The following FBXL7 variants were observed in gnomAD, a reference collection of about 807,000 sequenced individuals.
FBXL7 encodes F-box and leucine rich repeat protein 7.
FBXL7 carries 12 observed loss-of-function variants against 38.3 expected under a neutral mutation model. The ratio of observed to expected loss-of-function variants is 0.31; its 90% CI spans 0.20 to 0.51. The LOEUF (loss-of-function observed/expected upper bound fraction) is 0.51. Ranked by LOEUF, FBXL7 falls within the 20% of genes least tolerant of loss-of-function variation. The pLI, the probability that FBXL7 is intolerant of heterozygous loss-of-function variation, is 0.98. For missense variants in FBXL7, 567 were observed against 676.4 expected (o/e 0.84, Z 1.79); for synonymous variants, 297 against 300.9 (o/e 0.99, Z 0.13).
At chr5:15,671,153 C>T (rs1036446762) in intron 2 of FBXL7, among the ~76,000 whole-genome samples, 1 of 152,146 alleles carries the variant, frequency 6.6e-6, no homozygotes, top group Non-Finnish European at 1.5e-5. Flanking sequence ...CTCAGCTCCT[C>T]CCACTTTTGT....
chr5:15,502,050 G>T (rs1438611920), intron 1 of FBXL7, among the ~76,000 whole-genome samples: 1 of 151,750 alleles, frequency 6.6e-6, no homozygotes, highest in East Asian at 1.9e-4. Flanking sequence ...AAACGTCTTA[G>T]AGTTAATATT....
chr5:15,562,785 G>A (rs1291001980), intron 1 of FBXL7, among the ~76,000 whole-genome samples: 1 of 151,842 alleles, frequency 6.6e-6, no homozygotes, highest in Admixed American at 6.6e-5. Flanking sequence ...GCCAGACACT[G>A]TTCTAGGTTC....
intron 2 of FBXL7, among the ~76,000 whole-genome samples, chr5:15,844,759 G>T (rs1047532071): frequency 3.3e-5 from 5 of 152,068 alleles, no homozygotes; most frequent in African/African-American, 1.2e-4. Flanking sequence ...GCCTCAGGGA[G>T]GAAGCCAAGG....
In FBXL7 at chr5:15,928,355, G is replaced by A. The variant is rs1741949867; in HGVS notation, c.593G>A (p.Arg198Gln). The A allele has an allele frequency of 1.2e-6, 2 of 1,613,848 alleles. No individual in the cohort carries two copies. The highest frequency in any genetic ancestry group is 1.7e-5 in the Admixed American group (1 of 59,998). ...LETVTVSGCR[R>Q]LTDRGLYTIA... ...ACCGTAACTGTCAGTGGCTGCAGGC[G>A]GCTCACAGACCGAGGGCTGTACACC... Residue 198 changes from arginine (R) to glutamine (Q), a missense_variant, in exon 3 of 4, where the codon CGG (arginine) becomes CAG (glutamine). By Grantham distance (43) the Arg-to-Gln change is conservative. Transcript: ENST00000504595. The surrounding 1 kb of genome is among the most constrained non-coding windows in gnomAD (Gnocchi z 4.0).
intron 2 of FBXL7, among the ~76,000 whole-genome samples, chr5:15,882,722 A>T (rs1437534915): frequency 6.6e-6 from 1 of 152,210 alleles, no homozygotes; most frequent in Admixed American, 6.5e-5. Flanking sequence ...TTTGGAAGAA[A>T]ACCATACCAT....
chr5:15,589,662 A>G (rs1334758066), intron 1 of FBXL7, among the ~76,000 whole-genome samples: 2 of 152,220 alleles, frequency 1.3e-5, no homozygotes, highest in African/African-American at 4.8e-5. Flanking sequence ...CTATTCTTCA[A>G]ATCAGAAGAA....
intron 2 of FBXL7, among the ~76,000 whole-genome samples, chr5:15,719,016 A>G (rs1441451720): frequency 1.3e-5 from 2 of 152,296 alleles, no homozygotes; most frequent in South Asian, 2.1e-4. Flanking sequence ...GGATGTCACT[A>G]TTTGCATCCT....
intron 2 of FBXL7, among the ~76,000 whole-genome samples, chr5:15,742,085 A>G (rs1178106496): frequency 1.3e-5 from 2 of 152,160 alleles, no homozygotes; most frequent in East Asian, 1.9e-4. Flanking sequence ...CTTAATGGAC[A>G]CTTTTGGCTG....
At position 15,616,202 on chromosome 5, in the gene FBXL7, T is replaced by C. The variant is rs539554124; in HGVS notation, c.127+130T>C. 14 of 559,322 alleles carry C rather than the reference T, an allele frequency of 2.5e-5. No homozygotes were observed. In the South Asian group the frequency reaches 4.1e-4, roughly 17 times the overall value. The allele number at this position is 559,322 out of a possible 1,614,324, so 34.6% of individuals were successfully genotyped here. On this transcript the variant is annotated intron_variant, in intron 2 of 3. Coordinates refer to ENST00000504595, the MANE Select transcript of FBXL7 (RefSeq NM_012304.5). Reference sequence around the variant, plus strand: ...GCATATGAGATCTTAAAAATGAGGATGTTCAGGGTCTCCTAAGTTTTGTTG... The same window carrying C: ...GCATATGAGATCTTAAAAATGAGGACGTTCAGGGTCTCCTAAGTTTTGTTG...
chr5:15,785,087 G>C (rs185610872), intron 2 of FBXL7, among the ~76,000 whole-genome samples: 2 of 152,272 alleles, frequency 1.3e-5, no homozygotes, highest in African/African-American at 4.8e-5. Context: ...ACTAGCACGA[G>C]ACTCTGTGCA....
At chr5:15,724,124 A>G (rs1461345798) in intron 2 of FBXL7, among the ~76,000 whole-genome samples, 3 of 152,192 alleles carry the variant, frequency 2.0e-5, no homozygotes, top group African/African-American at 7.2e-5. Flanking sequence ...ATTGACTTTT[A>G]GGTCAGTTTG....
intron 2 of FBXL7, among the ~76,000 whole-genome samples, chr5:15,779,626 C>T (rs1268566585): frequency 6.6e-6 from 1 of 152,110 alleles, no homozygotes; most frequent in African/African-American, 2.4e-5. Context: ...TAAGGAAAAT[C>T]AGCCGTGGCC....
intron 2 of FBXL7, among the ~76,000 whole-genome samples, chr5:15,824,721 C>A (rs961619694): frequency 6.6e-5 from 10 of 152,174 alleles, no homozygotes; most frequent in African/African-American, 2.4e-4. Context: ...AACCCAGTCT[C>A]ACCCACTGAG....
At chr5:15,551,037 A>G (rs1738051331) in intron 1 of FBXL7, among the ~76,000 whole-genome samples, 1 of 152,178 alleles carries the variant, frequency 6.6e-6, no homozygotes, top group South Asian at 2.1e-4. Context: ...ATGAAAATCC[A>G]CTTTTTTTGG....
intron 1 of FBXL7, among the ~76,000 whole-genome samples, chr5:15,568,787 C>A (rs1417357035): frequency 6.6e-6 from 1 of 152,050 alleles, no homozygotes; most frequent in Non-Finnish European, 1.5e-5. Context: ...GGAAGGGATC[C>A]AGTTTCAGTT....
chr5:15,518,642 G>A (rs1737011464), intron 1 of FBXL7, among the ~76,000 whole-genome samples: 2 of 152,196 alleles, frequency 1.3e-5, no homozygotes, highest in African/African-American at 4.8e-5. Flanking sequence ...CCATCCTCCT[G>A]TAGAGGACTT....
chr5:15,839,300 ATAAT>A (rs1447263476), intron 2 of FBXL7, among the ~76,000 whole-genome samples: 1 of 152,124 alleles, frequency 6.6e-6, no homozygotes, highest in Non-Finnish European at 1.5e-5. Flanking sequence ...CCTTTTAAAA[ATAAT>A]TCTCTCCCCT....
chr5:15,777,637 A>G (rs1045615086), intron 2 of FBXL7, among the ~76,000 whole-genome samples: 42 of 149,966 alleles, frequency 2.8e-4, no homozygotes, highest in African/African-American at 1.0e-3. Context: ...CTCAGTGCAT[A>G]GAAATTTTGG....
chr5:15,774,015 AT>A (rs1440849511), intron 2 of FBXL7, among the ~76,000 whole-genome samples: 1 of 151,834 alleles, frequency 6.6e-6, no homozygotes, highest in East Asian at 1.9e-4. Context: ...GCTGTAGCAA[AT>A]TACCACAAAT....
Sources: allele counts gnomAD v4.1 joint callset (sites outside exome capture counted in the v4.1 genomes callset), GRCh38; gene constraint gnomAD v4.1.1; non-coding constraint Gnocchi (gnomAD v3.1); transcripts MANE v1.5; gene names NCBI Gene and HGNC (gene_info 2026-07-23, HGNC 2026-07-21).